Variants in THTPA observed in about 807,000 individuals in gnomAD.
THTPA encodes thiamine triphosphatase.
A neutral mutation model predicts 16.5 loss-of-function variants in THTPA; 16 were observed. The ratio of observed to expected loss-of-function variants is 0.97; its 90% CI spans 0.66 to 1.47. The LOEUF is 1.47. Ranked by LOEUF, THTPA falls within the 40% of genes most tolerant of loss-of-function variation. The pLI, the probability that THTPA is intolerant of heterozygous loss-of-function variation, is 0.00. For synonymous variants in THTPA, 110 were observed against 115.5 expected, an observed-to-expected ratio of 0.95 and a Z score of 0.30; for missense variants, 281 against 280.9, an observed-to-expected ratio of 1.00 and a Z score of 0.00.
chr14:23,522,183 A>G, the THTPA span: 5 of 1,493,208 alleles, frequency 3.3e-6, no homozygotes, highest in Non-Finnish European at 4.4e-6. Context: ...AGCACCTCAC[A>G]TGCCAGGCAG....
chr14:23,524,247 G>T, the THTPA span: 1 of 1,536,420 alleles, frequency 6.5e-7, no homozygotes, highest in South Asian at 1.2e-5. This position sits in a 1 kb window ranked among gnomAD's most constrained non-coding sequence, Gnocchi z 5.6. Context: ...TGTACCACTC[G>T]CTTTTTGAGC....
chr14:23,550,675 G>T, the THTPA span, among the ~76,000 whole-genome samples: 1 of 152,204 alleles, frequency 6.6e-6, no homozygotes, highest in African/African-American at 2.4e-5. Context: ...ACGAGCGGAT[G>T]GGGGTGGTAG....
At chr14:23,548,081 A>G in the THTPA span, among the ~76,000 whole-genome samples, 2 of 152,114 alleles carry the variant, frequency 1.3e-5, no homozygotes, top group Non-Finnish European at 2.9e-5. Context: ...TCTGCATTCT[A>G]GCTTTAGTCT....
At chr14:23,546,955 C>T in the THTPA span, among the ~76,000 whole-genome samples, 1 of 152,196 alleles carries the variant, frequency 6.6e-6, no homozygotes, top group Non-Finnish European at 1.5e-5. The surrounding 1 kb of genome is among the most constrained non-coding windows in gnomAD (Gnocchi z 4.7). Flanking sequence ...AGCTCTCTCC[C>T]CTGTCTTCTT....
Position 23,558,912 on chromosome 14 carries a change from T to A in THTPA, c.*72T>A. 6.4e-7 allele frequency: 1 copy of A among 1,574,276 alleles called. No individual in the cohort carries two copies. The highest frequency in any genetic ancestry group is 2.3e-5 in the East Asian group (1 of 44,270). ...TCCACTCCTGGGCCCACTGTGCCTCTCCCCTCAGTGTCCCTTCTGACAGTG... is the reference window on the plus strand; with the variant it reads ...TCCACTCCTGGGCCCACTGTGCCTCACCCCTCAGTGTCCCTTCTGACAGTG... On this transcript the variant is annotated 3_prime_UTR_variant, in exon 2 of 2. Transcript: ENST00000288014.
At chr14:23,534,875 C>T in the THTPA span, 3 of 1,535,976 alleles carry the variant, frequency 2.0e-6, no homozygotes, top group African/African-American at 2.7e-5. The surrounding 1 kb of genome is among the most constrained non-coding windows in gnomAD (Gnocchi z 4.5). Context: ...CTGGGCTCTT[C>T]CTTGATGCCC....
At position 23,559,444 on chromosome 14, in the gene THTPA, C is replaced by A. The variant is rs1048631243; in HGVS notation, c.*604C>A. On this transcript the variant is annotated 3_prime_UTR_variant, in exon 2 of 2. Transcript: ENST00000288014. ...GGTTAGAAAGAACCAACAGCTGCCC[C>A]CTCCCCGCCCCCGTGTTGAGACAGG... is the stretch of plus-strand genomic sequence containing the variant. The A allele has an allele frequency of 1.1e-5, 4 of 369,346 alleles. No individual in the cohort carries two copies. Among genetic ancestry groups the A allele is most frequent in the Non-Finnish European group, 2.1e-5 (4 of 195,032 alleles). The allele number at this position is 369,346 out of a possible 1,614,324, so 22.9% of individuals were successfully genotyped here.
chr14:23,539,465 T>C, the THTPA span, among the ~76,000 whole-genome samples: 8 of 152,270 alleles, frequency 5.3e-5, no homozygotes. Context: ...AGATGTAAAG[T>C]TGCAGAAACA....
In THTPA at chr14:23,557,231, A is replaced by G; in HGVS notation, c.474A>G (p.Val158=). The G allele has an allele frequency of 6.2e-7, 1 of 1,613,466 alleles. No individual in the cohort carries two copies. The highest frequency in any genetic ancestry group is 8.5e-7 in the Non-Finnish European group (1 of 1,179,974). Residue 158 remains valine, a synonymous_variant, in exon 1 of 2, where the codon GTA becomes GTG. Coordinates refer to ENST00000288014, the MANE Select transcript of THTPA (RefSeq NM_024328.6). The part of the protein sequence containing the change: ...TADFGYAVGE[V]EALVHEEAEV... ...ACTTTGGCTACGCTGTGGGTGAGGT[A>G]GAGGCCCTGGTGCATGAGGAGGCTG... is the stretch of plus-strand genomic sequence containing the variant.
the THTPA span, among the ~76,000 whole-genome samples, chr14:23,519,410 C>CTAAGAAAATAGTTTTATATA: frequency 2.6e-5 from 4 of 151,994 alleles, no homozygotes; most frequent in African/African-American, 9.7e-5. Context: ...ATACATGCTG[C>CTAAGAAAATAGTTTTATATA]TAAGAAAATA....
chr14:23,525,732 C>G, the THTPA span: 10 of 1,514,546 alleles, frequency 6.6e-6, no homozygotes, highest in Admixed American at 6.0e-5. The surrounding 1 kb of genome is among the most constrained non-coding windows in gnomAD (Gnocchi z 5.9). Flanking sequence ...TCAGCCAGCT[C>G]AGCCTTGGGA....
In THTPA at chr14:23,556,837, G is replaced by T. The variant is rs779993651; in HGVS notation, c.80G>T (p.Gly27Val). 13 of 1,612,976 alleles carry T rather than the reference G, an allele frequency of 8.1e-6. No homozygotes were observed. The highest frequency in any genetic ancestry group is 1.1e-5 in the Non-Finnish European group (13 of 1,179,510). Residue 27 changes from glycine to valine, a missense_variant, in exon 1 of 2, where the codon GGC (glycine) becomes GTC (valine). Transcript: ENST00000288014. The part of the protein sequence containing the change: ...GTEERLQELG[G>V]TLEYRVTFRD... ...GAGGAGCGGCTGCAGGAGTTGGGGG[G>T]CACCCTGGAGTACCGGGTCACCTTC... is the stretch of plus-strand genomic sequence containing the variant.
chr14:23,537,650 T>C, the THTPA span, among the ~76,000 whole-genome samples: 17 of 151,312 alleles, frequency 1.1e-4, no homozygotes, highest in African/African-American at 3.9e-4. Flanking sequence ...GATGGGGAGG[T>C]CGGGGGAGTT....
chr14:23,533,444 G>A, the THTPA span: 7 of 1,532,920 alleles, frequency 4.6e-6, no homozygotes, highest in Non-Finnish European at 6.1e-6. This position sits in a 1 kb window ranked among gnomAD's most constrained non-coding sequence, Gnocchi z 4.8. Context: ...AGTTCAGGGG[G>A]GCTAGTGGGG....
the THTPA span, among the ~76,000 whole-genome samples, chr14:23,549,055 A>G: frequency 6.7e-6 from 1 of 150,196 alleles, no homozygotes; most frequent in Non-Finnish European, 1.5e-5. Context: ...TTGTTCAGCA[A>G]TTCCTCCCTT....
At chr14:23,544,955 C>CT in the THTPA span, among the ~76,000 whole-genome samples, 3 of 152,120 alleles carry the variant, frequency 2.0e-5, no homozygotes, top group African/African-American at 7.2e-5. Context: ...CCCCTCTCCT[C>CT]TTTCATTCTC....
At chr14:23,532,350 T>C in the THTPA span, 1 of 537,076 alleles carries the variant, frequency 1.9e-6, no homozygotes. Flanking sequence ...AAGAGCTGAA[T>C]AAAGTCTGTT....
chr14:23,549,065 TCC>T, the THTPA span, among the ~76,000 whole-genome samples: 1 of 152,120 alleles, frequency 6.6e-6, no homozygotes, highest in African/African-American at 2.4e-5. Flanking sequence ...ATTCCTCCCT[TCC>T]CCCTCTTTAC....
At chr14:23,529,986 T>C in the THTPA span, 1 of 1,049,240 alleles carries the variant, frequency 9.5e-7, no homozygotes, top group South Asian at 1.4e-5. Flanking sequence ...TCAGCCTCCC[T>C]TCCCCCTGAT....
Sources: gnomAD v4.1 joint callset for allele counts (sites outside exome capture counted in the v4.1 genomes callset) on GRCh38, gnomAD v4.1.1 for gene constraint, Gnocchi (gnomAD v3.1) non-coding constraint, MANE v1.5 for transcripts, NCBI Gene and HGNC (gene_info 2026-07-23, HGNC 2026-07-21) for gene names.